The following SPRR2B variants were observed in gnomAD, a reference collection of about 807,000 sequenced individuals.
SPRR2B encodes the protein small proline rich protein 2B.
In SPRR2B, 1 loss-of-function variant was observed where a neutral mutation model predicts 1.0. The observed-to-expected ratio is 1.01, with a 90% CI of 0.36 to 4.77. SPRR2B has a LOEUF of 4.77. SPRR2B is among the 30% of genes most tolerant of loss of function. SPRR2B has a pLI of 0.16. For missense variants in SPRR2B, 53 were observed against 88.7 expected (o/e 0.60, Z 1.62); for synonymous variants, 27 against 33.4 (o/e 0.81, Z 0.66).
the SPRR2B span, among the ~76,000 whole-genome samples, chr1:153,081,206 T>C: frequency 6.6e-6 from 1 of 152,150 alleles, no homozygotes; most frequent in African/African-American, 2.4e-5. Flanking sequence ...AATCTTCATA[T>C]CTAAGAAATC....
upstream of SPRR2B, among the ~76,000 whole-genome samples, chr1:153,072,147 G>C (rs1194277879): frequency 2.6e-5 from 4 of 152,142 alleles, no homozygotes; most frequent in Non-Finnish European, 4.4e-5. Flanking sequence ...TGTGCCATCT[G>C]TTGACCCTGT....
the SPRR2B span, among the ~76,000 whole-genome samples, chr1:153,083,899 A>G: frequency 2.6e-5 from 4 of 152,180 alleles, no homozygotes; most frequent in Non-Finnish European, 5.9e-5. Flanking sequence ...CTCTAGGCTC[A>G]ACTTGCTCGC....
At chr1:153,072,239 G>T (rs1035564782), upstream of SPRR2B, among the ~76,000 whole-genome samples, 78 of 152,060 alleles carry the variant, frequency 5.1e-4, no homozygotes, top group African/African-American at 1.6e-3. Flanking sequence ...TCCCTTTGAA[G>T]TTGTCTTACA....
chr1:153,083,528 G>A, the SPRR2B span, among the ~76,000 whole-genome samples: 2 of 152,128 alleles, frequency 1.3e-5, no homozygotes, highest in Non-Finnish European at 2.9e-5. Flanking sequence ...GAGATTACAG[G>A]TGCACTTCTA....
chr1:153,087,172 C>A, the SPRR2B span, among the ~76,000 whole-genome samples: 1 of 151,802 alleles, frequency 6.6e-6, no homozygotes, highest in Non-Finnish European at 1.5e-5. Context: ...CACAGCTACT[C>A]GAGAGGCTAA....
upstream of SPRR2B, among the ~76,000 whole-genome samples, chr1:153,073,115 A>G (rs761476882): frequency 6.6e-6 from 1 of 152,220 alleles, no homozygotes; most frequent in Non-Finnish European, 1.5e-5. Context: ...TTAGGTTTCC[A>G]GATCTGCAAT....
chr1:153,078,798 A>G, the SPRR2B span, among the ~76,000 whole-genome samples: 2 of 152,132 alleles, frequency 1.3e-5, no homozygotes, highest in African/African-American at 2.4e-5. Flanking sequence ...AGTCTTTGCT[A>G]TTGTGAATAG....
chr1:153,083,683 T>A, the SPRR2B span, among the ~76,000 whole-genome samples: 2,505 of 152,240 alleles, frequency 0.016, 67 homozygotes, highest in African/African-American at 0.058. Context: ...GGGGAACAGC[T>A]GAGCTGAACC....
chr1:153,087,766 C>T, the SPRR2B span, among the ~76,000 whole-genome samples: 4 of 152,088 alleles, frequency 2.6e-5, no homozygotes, highest in Non-Finnish European at 4.4e-5. Context: ...GCCTACCAGC[C>T]GAAATAAGCC....
the SPRR2B span, among the ~76,000 whole-genome samples, chr1:153,082,182 CAATAA>C: frequency 9.2e-5 from 14 of 152,006 alleles, no homozygotes; most frequent in African/African-American, 3.1e-4. Context: ...AGATAAAAGG[CAATAA>C]AATAGCTTTA....
chr1:153,072,874 C>T (rs1654698256), upstream of SPRR2B, among the ~76,000 whole-genome samples: 1 of 152,140 alleles, frequency 6.6e-6, no homozygotes, highest in East Asian at 1.9e-4. Flanking sequence ...GCTTACTAAG[C>T]ATCATATATT....
At chr1:153,083,219 G>C in the SPRR2B span, among the ~76,000 whole-genome samples, 4 of 152,028 alleles carry the variant, frequency 2.6e-5, no homozygotes, top group African/African-American at 9.7e-5. Flanking sequence ...TCACAAGAAA[G>C]AAAAATGTTG....
the SPRR2B span, among the ~76,000 whole-genome samples, chr1:153,082,322 C>T: frequency 6.6e-6 from 1 of 152,044 alleles, no homozygotes; most frequent in African/African-American, 2.4e-5. Flanking sequence ...GAATTAAATT[C>T]TCCCCAAAAA....
upstream of SPRR2B, among the ~76,000 whole-genome samples, chr1:153,076,092 A>C (rs1654762821): frequency 6.6e-6 from 1 of 152,198 alleles, no homozygotes; most frequent in African/African-American, 2.4e-5. Context: ...AAAATATATA[A>C]TGTTACCTCT....
chr1:153,078,387 A>G, the SPRR2B span, among the ~76,000 whole-genome samples: 5 of 152,192 alleles, frequency 3.3e-5, no homozygotes, highest in Non-Finnish European at 5.9e-5. Context: ...TTATACTTTA[A>G]GTTTTAGGGT....
the SPRR2B span, among the ~76,000 whole-genome samples, chr1:153,081,917 G>T: frequency 6.6e-6 from 1 of 151,250 alleles, no homozygotes; most frequent in Non-Finnish European, 1.5e-5. Flanking sequence ...CCGCCTCTGG[G>T]CTCAAGCAAT....
At chr1:153,075,887 A>G (rs141045167), upstream of SPRR2B, among the ~76,000 whole-genome samples, 77 of 152,314 alleles carry the variant, frequency 5.1e-4, no homozygotes, top group Non-Finnish European at 9.9e-4. Context: ...AAATGAGTTA[A>G]CCTAAGCAGA....
At chr1:153,083,155 A>G in the SPRR2B span, among the ~76,000 whole-genome samples, 6 of 152,210 alleles carry the variant, frequency 3.9e-5, no homozygotes, top group African/African-American at 1.2e-4. Flanking sequence ...GAAGAAATAG[A>G]TAATTTGAAT....
chr1:153,078,435 C>T, the SPRR2B span, among the ~76,000 whole-genome samples: 2 of 152,120 alleles, frequency 1.3e-5, no homozygotes, highest in Admixed American at 6.5e-5. Flanking sequence ...CATATGTATA[C>T]ATGTGCCATG....
Sources: allele counts gnomAD v4.1 joint callset (sites outside exome capture counted in the v4.1 genomes callset), GRCh38; gene constraint gnomAD v4.1.1; transcripts MANE v1.5; gene names NCBI Gene and HGNC (gene_info 2026-07-23, HGNC 2026-07-21).